Variants in PDLIM5 observed in about 807,000 individuals in gnomAD.
PDLIM5 encodes PDZ and LIM domain 5, also known as PDZ and LIM domain protein 5.
In PDLIM5, 34 loss-of-function variants were observed where a neutral mutation model predicts 64.2. The ratio of observed to expected loss-of-function variants is 0.53; its 90% CI spans 0.40 to 0.71. The LOEUF (loss-of-function observed/expected upper bound fraction) is 0.71, where lower values mean the gene tolerates loss of function less well. Ranked by LOEUF, PDLIM5 falls within the 30% of genes least tolerant of loss-of-function variation. The probability of loss-of-function intolerance (pLI) is 0.00; values close to 1 mark genes in which losing one functional copy is unlikely to be tolerated. For synonymous variants in PDLIM5, 253 were observed against 269.1 expected (o/e 0.94, Z 0.59); for missense variants, 683 against 733.6 (o/e 0.93, Z 0.80).
chr4:94,452,528 G>C (rs1722949778), intron 1 of PDLIM5, among the ~76,000 whole-genome samples: 1 of 152,240 alleles, frequency 6.6e-6, no homozygotes, highest in African/African-American at 2.4e-5. Context: ...ACAGTTTTGT[G>C]TAACCTGTTT....
At chr4:94,544,511 A>G (rs572578510) in intron 3 of PDLIM5, among the ~76,000 whole-genome samples, 73 of 152,288 alleles carry the variant, frequency 4.8e-4, no homozygotes, top group Non-Finnish European at 1.5e-5. Flanking sequence ...AATTTTATAG[A>G]GATACATTGA....
At chr4:94,515,073 A>G (rs1729244124) in intron 2 of PDLIM5, among the ~76,000 whole-genome samples, 2 of 152,210 alleles carry the variant, frequency 1.3e-5, no homozygotes, top group African/African-American at 4.8e-5. Flanking sequence ...TTTGATTTGC[A>G]GTGTGGCAGT....
intron 8 of PDLIM5, among the ~76,000 whole-genome samples, chr4:94,636,416 CA>C (rs71581597): frequency 0.063 from 8,011 of 127,942 alleles, 486 homozygotes; most frequent in African/African-American, 0.18. Context: ...TTTAAAAAGG[CA>C]AAAAAAAAAA....
At chr4:94,477,797 T>C (rs1441486508) in intron 2 of PDLIM5, among the ~76,000 whole-genome samples, 1 of 152,132 alleles carries the variant, frequency 6.6e-6, no homozygotes, top group Non-Finnish European at 1.5e-5. Flanking sequence ...TTGCCTCTGC[T>C]ACCCCTGAGA....
intron 5 of PDLIM5, among the ~76,000 whole-genome samples, chr4:94,578,921 C>T (rs913652659): frequency 2.0e-5 from 3 of 151,920 alleles, no homozygotes; most frequent in African/African-American, 7.2e-5. Context: ...CTGAAAGCAC[C>T]AGGAGGACTA....
At chr4:94,457,624 G>A (rs557715015) in intron 2 of PDLIM5, among the ~76,000 whole-genome samples, 17 of 152,254 alleles carry the variant, frequency 1.1e-4, no homozygotes, top group African/African-American at 3.9e-4. Context: ...TCACTTTGTT[G>A]TGTGGTAATA....
intron 2 of PDLIM5, among the ~76,000 whole-genome samples, chr4:94,521,381 C>T (rs1729812053): frequency 6.6e-6 from 1 of 151,970 alleles, no homozygotes; most frequent in Non-Finnish European, 1.5e-5. Context: ...ATGATCAAGA[C>T]TTGGACTGTC....
At chr4:94,505,219 A>G (rs961112186) in intron 2 of PDLIM5, among the ~76,000 whole-genome samples, 1 of 151,970 alleles carries the variant, frequency 6.6e-6, no homozygotes, top group East Asian at 1.9e-4. Context: ...TTGAGGGTTC[A>G]GTCCTACAAG....
rs563619012 is a variant in PDLIM5 at position 94,570,980 on chromosome 4, A to G, written c.249-2371A>G. 9.8e-5 allele frequency among the ~76,000 whole-genome samples: 15 copies of G among 152,320 alleles called. No individual in the cohort carries two copies. In the South Asian group the frequency reaches 1.0e-3, roughly 11 times the overall value. On this transcript the variant is annotated intron_variant, in intron 3 of 12. Transcript: ENST00000317968. ...CTATTGTCTAGTTCCTCATTCTTAA[A>G]CACTAATGCGAACATTCAGAACCTT... is the stretch of plus-strand genomic sequence containing the variant.
intron 2 of PDLIM5, among the ~76,000 whole-genome samples, chr4:94,507,089 G>A (rs868129060): frequency 2.0e-5 from 3 of 152,090 alleles, no homozygotes; most frequent in African/African-American, 4.8e-5. Flanking sequence ...CACTGTAGGC[G>A]TCTCTGCTTT....
In PDLIM5 at chr4:94,455,268, G is replaced by C; in HGVS notation, c.-21G>C. 6.9e-7 allele frequency: 1 copy of C among 1,453,774 alleles called. No homozygotes were observed. Among genetic ancestry groups the C allele is most frequent in the Non-Finnish European group, 9.6e-7 (1 of 1,038,176 alleles). 90.1% of individuals were successfully genotyped at this position (1,453,774 alleles called of 1,614,324 possible). Reference sequence around the variant, plus strand: ...ACAGCATATTTCATTTTCTGTCATTGGACTTTGAGCCATTAGAACCATGAG... The same window carrying C: ...ACAGCATATTTCATTTTCTGTCATTCGACTTTGAGCCATTAGAACCATGAG... On this transcript the variant is annotated 5_prime_UTR_variant, in exon 2 of 13. Transcript: ENST00000317968.
At chr4:94,576,561 G>C (rs1257625986) in intron 5 of PDLIM5, among the ~76,000 whole-genome samples, 1 of 152,194 alleles carries the variant, frequency 6.6e-6, no homozygotes, top group Non-Finnish European at 1.5e-5. Flanking sequence ...TAACAACATT[G>C]TTTTCAGATA....
At chr4:94,534,862 C>T (rs1051516456) in intron 3 of PDLIM5, among the ~76,000 whole-genome samples, 1 of 152,140 alleles carries the variant, frequency 6.6e-6, no homozygotes, top group Non-Finnish European at 1.5e-5. Flanking sequence ...TACTTGACTT[C>T]CCTGACTTCC....
At position 94,561,852 on chromosome 4, in the gene PDLIM5, C is replaced by T. The variant is rs563015605; in HGVS notation, c.249-11499C>T. 1.3e-4 allele frequency among the ~76,000 whole-genome samples: 20 copies of T among 152,268 alleles called. No individual in the cohort carries two copies. The South Asian group carries it at 4.2e-3, about 32-fold the overall frequency. Reference sequence around the variant, plus strand: ...AGTTCAGTTTTATAAGCACTTGCTACAGGATGTTATTGTTGGAACAACACA... The same window carrying T: ...AGTTCAGTTTTATAAGCACTTGCTATAGGATGTTATTGTTGGAACAACACA... On this transcript the variant is annotated intron_variant, in intron 3 of 12. Coordinates refer to ENST00000317968, the MANE Select transcript of PDLIM5 (RefSeq NM_006457.5).
intron 3 of PDLIM5, among the ~76,000 whole-genome samples, chr4:94,558,489 T>A (rs1733555179): frequency 6.6e-6 from 1 of 152,182 alleles, no homozygotes; most frequent in African/African-American, 2.4e-5. Flanking sequence ...ATTTCCATTT[T>A]CCTGTCTACA....
chr4:94,469,520 A>G (rs1724659889), intron 2 of PDLIM5, among the ~76,000 whole-genome samples: 1 of 152,290 alleles, frequency 6.6e-6, no homozygotes, highest in African/African-American at 2.4e-5. Context: ...TGTGGCAGGA[A>G]TGCTGTGAGC....
intron 8 of PDLIM5, among the ~76,000 whole-genome samples, chr4:94,619,413 G>A (rs1474868191): frequency 2.0e-5 from 3 of 150,598 alleles, no homozygotes; most frequent in East Asian, 2.0e-4. Flanking sequence ...GGCCGAGGCC[G>A]GCGGATCACG....
At chr4:94,601,192 G>C (rs1737460488) in intron 7 of PDLIM5, among the ~76,000 whole-genome samples, 1 of 152,194 alleles carries the variant, frequency 6.6e-6, no homozygotes, top group African/African-American at 2.4e-5. Flanking sequence ...TCAAGATCGA[G>C]GTACCTGTAC....
At chr4:94,598,070 G>T (rs1473699532) in intron 7 of PDLIM5, among the ~76,000 whole-genome samples, 1 of 152,128 alleles carries the variant, frequency 6.6e-6, no homozygotes, top group Non-Finnish European at 1.5e-5. Context: ...ATGCATAAAA[G>T]GTTGAAGTAG....
Sources: allele counts gnomAD v4.1 joint callset (sites outside exome capture counted in the v4.1 genomes callset), GRCh38; gene constraint gnomAD v4.1.1; transcripts MANE v1.5; gene names NCBI Gene and HGNC (gene_info 2026-07-23, HGNC 2026-07-21).